Variants in SAXO1 observed in about 807,000 individuals in gnomAD.
The protein encoded by SAXO1 is 4930500O09Rik.
Under a neutral mutation model 17.5 loss-of-function variants are expected in SAXO1, and 21 were observed. The ratio of observed to expected loss-of-function variants is 1.20; its 90% CI spans 0.85 to 1.72. The LOEUF is 1.72. Among genes scored for constraint, SAXO1 ranks in the 40% most tolerant of loss-of-function variants. The pLI is 0.00. For synonymous variants in SAXO1, 274 were observed against 216.5 expected, an observed-to-expected ratio of 1.27 and a Z score of -2.33; for missense variants, 843 against 596.0, an observed-to-expected ratio of 1.41 and a Z score of -4.32.
chr9:19,036,550 A>T (rs889444658), upstream of SAXO1, among the ~76,000 whole-genome samples: 3 of 152,164 alleles, frequency 2.0e-5, no homozygotes, highest in African/African-American at 7.2e-5. Context: ...CATGGCTGAA[A>T]GGGGCCAACA....
chr9:19,047,604 G>T (rs899504561), intron 1 of SAXO1, among the ~76,000 whole-genome samples: 3 of 152,082 alleles, frequency 2.0e-5, no homozygotes, highest in African/African-American at 7.2e-5. Flanking sequence ...AGAAAATTTC[G>T]AATATGTTTT....
At chr9:19,022,881 G>A (rs960835138) in intron 1 of SAXO1, among the ~76,000 whole-genome samples, 5 of 152,156 alleles carry the variant, frequency 3.3e-5, no homozygotes, top group Non-Finnish European at 7.3e-5. Context: ...CAGAATAGTA[G>A]GGTATGCTAT....
chr9:18,928,848 C>G lies in SAXO1; in HGVS notation c.629G>C (p.Ser210Thr), dbSNP rs765499449. Residue 210 changes from serine (S) to threonine (T), a missense_variant, in exon 4 of 4, where the codon AGC becomes ACC. Coordinates refer to ENST00000380534, the MANE Select transcript of SAXO1 (RefSeq NM_153707.4). ...CTTCTCCACGGGGTGGGCCACATAG[C>G]TCATCTTGTAGTTAGTCACATCCTC... ...PLEDVTNYKM[S>T]YVAHPVEKRF... 3.1e-6 allele frequency: 5 copies of G among 1,614,014 alleles called. No homozygotes were observed.
At chr9:19,035,500 C>A (rs940179995), upstream of SAXO1, among the ~76,000 whole-genome samples, 2 of 152,118 alleles carry the variant, frequency 1.3e-5, no homozygotes, top group Non-Finnish European at 2.9e-5. Flanking sequence ...AAATTGGTAC[C>A]AGCAGAGTGG....
Position 19,039,285 on chromosome 9 carries a change from G to A in SAXO1, c.-158+9924C>T, listed in dbSNP as rs539517227. On this transcript the variant is annotated intron_variant, in intron 1 of 3. Transcript: ENST00000542071. ...TGTGGTTAAACGTTATTGCTGTTGC[G>A]CTGCTTTATTTAATGCGCTGTGGAA... Among the ~76,000 whole-genome samples the A allele has an allele frequency of 2.1e-3, 317 of 152,272 alleles. 3 individuals are homozygous for A. The highest frequency in any genetic ancestry group is 7.3e-3 in the African/African-American group (302 of 41,540).
At chr9:19,000,631 G>C (rs981255348) in intron 1 of SAXO1, among the ~76,000 whole-genome samples, 1 of 152,234 alleles carries the variant, frequency 6.6e-6, no homozygotes, top group Non-Finnish European at 1.5e-5. Flanking sequence ...CAAGTGTGAA[G>C]TGACAGCCTT....
At chr9:19,026,266 G>C (rs1396593937) in intron 1 of SAXO1, among the ~76,000 whole-genome samples, 1 of 152,084 alleles carries the variant, frequency 6.6e-6, no homozygotes, top group Non-Finnish European at 1.5e-5. Flanking sequence ...GGTCCAGTGT[G>C]ACTCGAAAAT....
intron 2 of SAXO1, among the ~76,000 whole-genome samples, chr9:18,946,648 A>C (rs1004763494): frequency 6.2e-5 from 7 of 113,470 alleles, no homozygotes; most frequent in African/African-American, 3.7e-4. Context: ...CTCAAAAAAG[A>C]AAAAAAAAAG....
intron 1 of SAXO1, among the ~76,000 whole-genome samples, chr9:18,972,171 A>G (rs1832967768): frequency 6.6e-6 from 1 of 152,214 alleles, no homozygotes; most frequent in Non-Finnish European, 1.5e-5. Context: ...TTAGGAGAAA[A>G]CAGGCAGATA....
At chr9:19,009,216 C>T (rs1834618459) in intron 1 of SAXO1, among the ~76,000 whole-genome samples, 1 of 149,108 alleles carries the variant, frequency 6.7e-6, no homozygotes, top group South Asian at 2.1e-4. Flanking sequence ...AAAAAAAAAT[C>T]TTCACATTGT....
At chr9:19,017,936 G>C (rs561021534) in intron 1 of SAXO1, among the ~76,000 whole-genome samples, 1 of 152,326 alleles carries the variant, frequency 6.6e-6, no homozygotes, top group South Asian at 2.1e-4. Flanking sequence ...GGGAGGCCAA[G>C]GCAGGAAGAT....
At position 18,950,826 on chromosome 9, in the gene SAXO1, T is replaced by C. The variant is rs1180789719; in HGVS notation, c.150A>G (p.Arg50=). 4 of 1,613,860 alleles carry C rather than the reference T, an allele frequency of 2.5e-6. No homozygotes were observed. Among genetic ancestry groups the C allele is most frequent in the Non-Finnish European group, 2.5e-6 (3 of 1,179,776 alleles). The stretch of plus-strand genomic sequence containing the variant: ...ACTCCCGCCTTGGCTTGAAGGACTC[T>C]CTGGGCAGGTAGGAGTGATAGAAAG... The part of the protein sequence containing the change: ...NYPFYHSYLP[R]ESFKPRREYQ... The change falls in exon 2 of 4, where the codon AGA becomes AGG. Residue 50 remains arginine (R), a synonymous_variant. Coordinates refer to ENST00000380534, the MANE Select transcript of SAXO1 (RefSeq NM_153707.4).
At chr9:19,030,734 A>T (rs1835726745) in intron 1 of SAXO1, among the ~76,000 whole-genome samples, 2 of 152,174 alleles carry the variant, frequency 1.3e-5, no homozygotes, top group Non-Finnish European at 2.9e-5. Flanking sequence ...GAAGAAAAAG[A>T]TTCAATGTTC....
chr9:19,046,082 C>CAAAAA (rs57919139), intron 1 of SAXO1, among the ~76,000 whole-genome samples: 4,229 of 55,084 alleles, frequency 0.077, 143 homozygotes, highest in Non-Finnish European at 0.096. Context: ...AACTCCGTCT[C>CAAAAA]AAAAAAAAAA....
At position 18,938,821 on chromosome 9, in the gene SAXO1, C is replaced by CGTGTGTGTGTGT. The variant is rs67090530; in HGVS notation, c.421+2804_421+2815dup. 4.9e-3 allele frequency among the ~76,000 whole-genome samples: 387 copies of CGTGTGTGTGTGT among 78,578 alleles called. 4 individuals carry two copies. Among genetic ancestry groups the CGTGTGTGTGTGT allele is most frequent in the African/African-American group, 0.013 (287 of 21,488 alleles). The allele number at this position is 78,578 out of a possible 152,430, so 51.6% of individuals were successfully genotyped here. A position where few individuals can be genotyped will look rare whatever the true frequency, so the allele number is the denominator to read the frequency against. On this transcript the variant is annotated intron_variant, in intron 3 of 3. Coordinates refer to ENST00000380534, the MANE Select transcript of SAXO1 (RefSeq NM_153707.4). ...GTGTGGTGGGGTGCATGCGTGCGTG[C>CGTGTGTGTGTGT]GTGTGTGTGTGTGTGTGTGTGTGTG... is the stretch of plus-strand genomic sequence containing the variant.
upstream of SAXO1, among the ~76,000 whole-genome samples, chr9:19,034,514 C>T (rs550953621): frequency 4.6e-5 from 7 of 152,090 alleles, no homozygotes; most frequent in East Asian, 1.4e-3. Context: ...GTAAACATTC[C>T]CGATTTTGCC....
intron 1 of SAXO1, among the ~76,000 whole-genome samples, chr9:19,005,025 C>A (rs1438890224): frequency 3.3e-5 from 5 of 152,050 alleles, no homozygotes; most frequent in African/African-American, 1.2e-4. Context: ...TAAACAATTT[C>A]ATTTACAATA....
intron 1 of SAXO1, among the ~76,000 whole-genome samples, chr9:18,991,347 A>G (rs1210836506): frequency 6.6e-6 from 1 of 152,244 alleles, no homozygotes; most frequent in Non-Finnish European, 1.5e-5. Flanking sequence ...CTGGATTAAG[A>G]AAATGCATCA....
chr9:18,962,589 C>T (rs934324735), intron 1 of SAXO1, among the ~76,000 whole-genome samples: 6 of 152,114 alleles, frequency 3.9e-5, no homozygotes, highest in African/African-American at 1.4e-4. Flanking sequence ...TGCCTGTTCA[C>T]TCTGATGATA....
Sources: gnomAD v4.1 joint callset for allele counts (sites outside exome capture counted in the v4.1 genomes callset) on GRCh38, gnomAD v4.1.1 for gene constraint, MANE v1.5 for transcripts, NCBI Gene and HGNC (gene_info 2026-07-23, HGNC 2026-07-21) for gene names.